PIK3CB: variants seen among roughly 807,000 people sequenced by gnomAD.
The protein encoded by PIK3CB is phosphatidylinositol-4,5-bisphosphate 3-kinase catalytic subunit beta, also known as phosphatidylinositol 4,5-bisphosphate 3-kinase catalytic subunit beta isoform.
In PIK3CB, 39 loss-of-function variants were observed where a neutral mutation model predicts 136.8. The observed-to-expected ratio is 0.29, with a 90% CI of 0.22 to 0.37. The LOEUF (loss-of-function observed/expected upper bound fraction) is 0.37. Among genes scored for constraint, PIK3CB ranks in the 10% least tolerant of loss-of-function variants. The pLI is 1.00. For missense variants in PIK3CB, 868 were observed against 1,275.4 expected, an observed-to-expected ratio of 0.68 and a Z score of 4.87; for synonymous variants, 428 against 436.6, an observed-to-expected ratio of 0.98 and a Z score of 0.25.
At chr3:138,826,776 TA>T (rs959950489) in intron 1 of PIK3CB, among the ~76,000 whole-genome samples, 2 of 152,100 alleles carry the variant, frequency 1.3e-5, no homozygotes, top group Admixed American at 6.6e-5. Flanking sequence ...CTAATTAAAC[TA>T]AAAATTCCTG....
intron 4 of PIK3CB, among the ~76,000 whole-genome samples, chr3:138,750,626 G>A (rs1023393498): frequency 1.3e-5 from 2 of 152,184 alleles, no homozygotes; most frequent in African/African-American, 2.4e-5. Flanking sequence ...GAGAACCCCT[G>A]CAATGGAACA....
Position 138,660,055 on chromosome 3 carries a change from TTCTC to T in PIK3CB, c.2797-2224_2797-2221del, listed in dbSNP as rs113728289. Among the ~76,000 whole-genome samples the T allele has an allele frequency of 7.1e-3, 1,073 of 151,904 alleles. 13 individuals are homozygous for T. The highest frequency in any genetic ancestry group is 0.024 in the African/African-American group (1,008 of 41,416). On this transcript the variant is annotated intron_variant, in intron 21 of 23. Transcript: ENST00000674063. ...ACTGAGTCTCTATTGTTTCTGGATC[TTCTC>T]TCTATTTATCATATTTTTTGGAGAT...
intron 3 of PIK3CB, 34 bp downstream of exon 3, chr3:138,759,139 G>A (rs764088441): frequency 7.2e-6 from 10 of 1,390,272 alleles, no homozygotes; most frequent in Non-Finnish European, 1.0e-5. Context: ...GACACAGTAT[G>A]CTAAACACAT....
intron 12 of PIK3CB, among the ~76,000 whole-genome samples, chr3:138,701,347 G>A (rs2044248201): frequency 6.6e-6 from 1 of 152,068 alleles, no homozygotes; most frequent in South Asian, 2.1e-4. Context: ...TAAAGCACAT[G>A]ACTGAGAAAA....
intron 1 of PIK3CB, among the ~76,000 whole-genome samples, chr3:138,805,238 CAGG>C (rs934259065): frequency 2.6e-5 from 4 of 151,280 alleles, no homozygotes; most frequent in African/African-American, 9.7e-5. Context: ...GAGGCTGAGG[CAGG>C]AGAATTCCTT....
In PIK3CB at chr3:138,739,066, G is replaced by A. The variant is rs1418294181; in HGVS notation, c.622-1180C>T. On this transcript the variant is annotated intron_variant, in intron 5 of 23. Transcript: ENST00000674063. ...CATATGTAGAAACCTAATCTCTAAT[G>A]TGATGATATTTGGAAGTGAAAACTT... 2.0e-5 allele frequency among the ~76,000 whole-genome samples: 3 copies of A among 152,278 alleles called. No individual in the cohort carries two copies. In the South Asian group the frequency reaches 6.2e-4, roughly 32 times the overall value.
chr3:138,659,470 T>A (rs1426453380), intron 21 of PIK3CB, among the ~76,000 whole-genome samples: 1 of 151,240 alleles, frequency 6.6e-6, no homozygotes, highest in African/African-American at 2.4e-5. Context: ...TGAGCCGGGA[T>A]CACGCCACTG....
intron 2 of PIK3CB, among the ~76,000 whole-genome samples, chr3:138,782,097 G>A (rs1272685259): frequency 2.0e-5 from 3 of 152,132 alleles, no homozygotes; most frequent in African/African-American, 7.2e-5. Context: ...TTATTTTCCA[G>A]AGAAAATGTA....
At chr3:138,750,113 A>G (rs1426082045) in intron 4 of PIK3CB, among the ~76,000 whole-genome samples, 1 of 152,132 alleles carries the variant, frequency 6.6e-6, no homozygotes, top group African/African-American at 2.4e-5. Flanking sequence ...TCCTGGGCTC[A>G]AGTGATCCAC....
At chr3:138,753,105 T>G (rs1040142067) in intron 4 of PIK3CB, among the ~76,000 whole-genome samples, 1 of 152,180 alleles carries the variant, frequency 6.6e-6, no homozygotes, top group Non-Finnish European at 1.5e-5. Flanking sequence ...TGCACTCAGC[T>G]ACTCAGGAAG....
At chr3:138,826,267 A>G (rs1576435708) in intron 1 of PIK3CB, 5 of 1,593,072 alleles carry the variant, frequency 3.1e-6, no homozygotes, top group Non-Finnish European at 4.3e-6. Flanking sequence ...AGCAGTGGAC[A>G]AGAAGGCTGC....
chr3:138,688,844 G>A, intron 16 of PIK3CB, 31 bp downstream of exon 16: 15 of 1,426,940 alleles, frequency 1.1e-5, no homozygotes, highest in Non-Finnish European at 1.4e-5. Context: ...GTCAAAAAAA[G>A]AAAAAATGAA....
In PIK3CB at chr3:138,784,030, C is replaced by T. The variant is rs542334430; in HGVS notation, c.-17+12433G>A. On this transcript the variant is annotated intron_variant, in intron 2 of 23. Coordinates refer to ENST00000674063, the MANE Select transcript of PIK3CB (RefSeq NM_006219.3). The stretch of plus-strand genomic sequence containing the variant: ...AGATCGTTGCTTATGGGAGAATAAA[C>T]TGATTTAACCTCTTCCAAAGGGAGT... 4.6e-5 allele frequency among the ~76,000 whole-genome samples: 7 copies of T among 152,246 alleles called. No individual in the cohort carries two copies. The East Asian group carries it at 1.4e-3, about 29-fold the overall frequency.
chr3:138,766,371 G>A (rs1429705595), intron 2 of PIK3CB, among the ~76,000 whole-genome samples: 2 of 151,998 alleles, frequency 1.3e-5, no homozygotes, highest in Non-Finnish European at 2.9e-5. Context: ...AATTCACTAA[G>A]TTTTTATGTT....
chr3:138,699,884 G>C (rs916239223), intron 12 of PIK3CB, among the ~76,000 whole-genome samples: 22 of 151,842 alleles, frequency 1.4e-4, no homozygotes, highest in African/African-American at 5.1e-4. Flanking sequence ...TTATACCCAG[G>C]GGCAATGAGC....
At chr3:138,812,933 T>TC (rs1229127395) in intron 1 of PIK3CB, among the ~76,000 whole-genome samples, 18 of 152,110 alleles carry the variant, frequency 1.2e-4, no homozygotes, top group Non-Finnish European at 2.1e-4. Flanking sequence ...CACACTGAAA[T>TC]AAGTGAATGT....
chr3:138,670,992 C>A (rs562794243), intron 19 of PIK3CB, among the ~76,000 whole-genome samples: 4 of 151,940 alleles, frequency 2.6e-5, no homozygotes, highest in African/African-American at 9.6e-5. Context: ...TTTTAGGCAC[C>A]ATTATACTCT....
chr3:138,693,767 T>C (rs564508482), intron 14 of PIK3CB, among the ~76,000 whole-genome samples: 79 of 151,510 alleles, frequency 5.2e-4, no homozygotes, highest in Non-Finnish European at 8.8e-4. Flanking sequence ...TGTGTAATAA[T>C]AATTCCATGT....
At chr3:138,674,388 C>T (rs991317160) in intron 19 of PIK3CB, among the ~76,000 whole-genome samples, 4 of 151,940 alleles carry the variant, frequency 2.6e-5, no homozygotes, top group Non-Finnish European at 4.4e-5. Context: ...GGGGTGGATT[C>T]CAGGCATTTA....
Sources: gnomAD v4.1 joint callset for allele counts (sites outside exome capture counted in the v4.1 genomes callset) on GRCh38, gnomAD v4.1.1 for gene constraint, MANE v1.5 for transcripts, NCBI Gene and HGNC (gene_info 2026-07-23, HGNC 2026-07-21) for gene names.